Variants in TNIK observed in about 807,000 individuals in gnomAD.
TNIK encodes the protein TRAF2 and NCK interacting kinase, also known as TRAF2 and NCK-interacting protein kinase.
Under a neutral mutation model 191.3 loss-of-function variants are expected in TNIK, and 49 were observed. The observed-to-expected ratio is 0.26, with a 90% CI of 0.20 to 0.32. The LOEUF (loss-of-function observed/expected upper bound fraction) is 0.32. Ranked by LOEUF, TNIK falls within the 10% of genes least tolerant of loss-of-function variation. TNIK has a pLI of 1.00. For missense variants in TNIK, 1,155 were observed against 1,702.3 expected, an observed-to-expected ratio of 0.68 and a Z score of 5.66; for synonymous variants, 594 against 600.9, an observed-to-expected ratio of 0.99 and a Z score of 0.17.
intron 1 of TNIK, among the ~76,000 whole-genome samples, chr3:171,385,914 T>C (rs1005606071): frequency 2.0e-5 from 3 of 152,156 alleles, no homozygotes; most frequent in Admixed American, 6.5e-5. Context: ...ATAAAGAATA[T>C]AAGCCAGTCA....
intron 1 of TNIK, among the ~76,000 whole-genome samples, chr3:171,382,942 A>G (rs1718235790): frequency 6.6e-6 from 1 of 152,240 alleles, no homozygotes; most frequent in Admixed American, 6.5e-5. Flanking sequence ...TTGAAACAAT[A>G]TTTGAGAAGA....
chr3:171,237,117 G>GA, intron 2 of TNIK, among the ~76,000 whole-genome samples: 1 of 152,152 alleles, frequency 6.6e-6, no homozygotes, highest in East Asian at 1.9e-4. Flanking sequence ...GGTGTCATGA[G>GA]AAAAAACAAA....
At chr3:171,277,738 G>T (rs1749931155) in intron 2 of TNIK, among the ~76,000 whole-genome samples, 1 of 152,194 alleles carries the variant, frequency 6.6e-6, no homozygotes, top group Non-Finnish European at 1.5e-5. Flanking sequence ...GAGTTGAGTA[G>T]TTGCAACAGA....
chr3:171,257,079 G>C (rs751032376), intron 2 of TNIK, among the ~76,000 whole-genome samples: 1 of 152,098 alleles, frequency 6.6e-6, no homozygotes, highest in African/African-American at 2.4e-5. Context: ...GAAACAGGCC[G>C]AGAGAGGAAC....
At chr3:171,313,444 A>T (rs1231) in intron 2 of TNIK, among the ~76,000 whole-genome samples, 37,005 of 152,032 alleles carry the variant, frequency 0.24, 4,730 homozygotes, top group Non-Finnish European at 0.29. Flanking sequence ...AGAGGGCCCC[A>T]GAAATAGCTT....
chr3:171,253,145 G>A (rs909855065), intron 2 of TNIK, among the ~76,000 whole-genome samples: 5 of 151,640 alleles, frequency 3.3e-5, no homozygotes, highest in Non-Finnish European at 5.9e-5. Context: ...TTAGCCGGGC[G>A]TGGTGGCAGG....
chr3:171,388,202 T>C (rs1459776885), intron 1 of TNIK, among the ~76,000 whole-genome samples: 2 of 152,234 alleles, frequency 1.3e-5, no homozygotes, highest in Non-Finnish European at 2.9e-5. Context: ...CTTCCAGTTC[T>C]AGTGCCATCT....
intron 2 of TNIK, among the ~76,000 whole-genome samples, chr3:171,276,176 C>A (rs1304025893): frequency 6.6e-6 from 1 of 151,370 alleles, no homozygotes. Context: ...GAAAATAGAA[C>A]AAAACATTTT....
At chr3:171,162,805 C>A (rs1734174534) in intron 10 of TNIK, among the ~76,000 whole-genome samples, 1 of 152,170 alleles carries the variant, frequency 6.6e-6, no homozygotes, top group South Asian at 2.1e-4. Flanking sequence ...AAAGGTCAAT[C>A]TAGGATTTGG....
intron 1 of TNIK, among the ~76,000 whole-genome samples, chr3:171,447,107 C>T (rs887279604): frequency 3.3e-5 from 5 of 152,120 alleles, no homozygotes; most frequent in African/African-American, 1.2e-4. Context: ...GGGAGAATCG[C>T]CTGAACCCAG....
At chr3:171,382,794 G>A (rs1304994037) in intron 1 of TNIK, among the ~76,000 whole-genome samples, 4 of 152,092 alleles carry the variant, frequency 2.6e-5, no homozygotes, top group African/African-American at 9.7e-5. Flanking sequence ...TGGCATGGTC[G>A]AGAAATAAAC....
At chr3:171,406,382 AGGG>A (rs1721683573) in intron 1 of TNIK, among the ~76,000 whole-genome samples, 1 of 152,204 alleles carries the variant, frequency 6.6e-6, no homozygotes, top group Non-Finnish European at 1.5e-5. Context: ...GCCATGCAGC[AGGG>A]CACCCTCCAT....
At chr3:171,171,916 A>G (rs1044929203) in intron 9 of TNIK, among the ~76,000 whole-genome samples, 1 of 152,182 alleles carries the variant, frequency 6.6e-6, no homozygotes, top group African/African-American at 2.4e-5. Context: ...CAAAGGTTAC[A>G]ACCCTCCCAG....
At chr3:171,074,967 T>C (rs1719702381) in intron 28 of TNIK, among the ~76,000 whole-genome samples, 2 of 152,244 alleles carry the variant, frequency 1.3e-5, no homozygotes, top group African/African-American at 2.4e-5. Flanking sequence ...AGCCTACTGA[T>C]GTTAGGACAA....
At chr3:171,429,508 C>T (rs879360322) in intron 1 of TNIK, among the ~76,000 whole-genome samples, 2 of 152,130 alleles carry the variant, frequency 1.3e-5, no homozygotes, top group African/African-American at 4.8e-5. Flanking sequence ...GTACATTTTC[C>T]CCTTTGAAAT....
At chr3:171,409,262 A>G (rs1311320826) in intron 1 of TNIK, among the ~76,000 whole-genome samples, 3 of 152,184 alleles carry the variant, frequency 2.0e-5, no homozygotes, top group Non-Finnish European at 4.4e-5. Context: ...ATAAAGAAAA[A>G]CAAGTGTTAA....
intron 4 of TNIK, among the ~76,000 whole-genome samples, chr3:171,205,685 C>T (rs182721400): frequency 6.6e-6 from 1 of 152,284 alleles, no homozygotes; most frequent in East Asian, 1.9e-4. Flanking sequence ...GAAGTGACCC[C>T]TTCAGTATGT....
intron 4 of TNIK, among the ~76,000 whole-genome samples, chr3:171,198,299 T>TACA (rs1355433239): frequency 2.3e-3 from 352 of 150,966 alleles, no homozygotes; most frequent in African/African-American, 8.1e-3. Context: ...AAAAAGGCCA[T>TACA]ATATTGTATG....
At chr3:171,218,962 A>T (rs2108946648) in intron 3 of TNIK, among the ~76,000 whole-genome samples, 1 of 129,874 alleles carries the variant, frequency 7.7e-6, no homozygotes, top group South Asian at 2.2e-4. Context: ...ATAAATATTA[A>T]ATATTTATAT....
Sources: gnomAD v4.1 joint callset for allele counts (sites outside exome capture counted in the v4.1 genomes callset) on GRCh38, gnomAD v4.1.1 for gene constraint, MANE v1.5 for transcripts, NCBI Gene and HGNC (gene_info 2026-07-23, HGNC 2026-07-21) for gene names.